ENTREP2: variants seen among roughly 807,000 people sequenced by gnomAD.
The protein encoded by ENTREP2 is protein ENTREP2.
At chr15:29,654,344 C>T in the ENTREP2 span, among the ~76,000 whole-genome samples, 1 of 152,148 alleles carries the variant, frequency 6.6e-6, no homozygotes, top group African/African-American at 2.4e-5. Flanking sequence ...TGTGCCAATA[C>T]TACATTGAGG....
At chr15:29,578,118 AC>A in the ENTREP2 span, among the ~76,000 whole-genome samples, 1 of 152,268 alleles carries the variant, frequency 6.6e-6, no homozygotes, top group African/African-American at 2.4e-5. Context: ...TAAGAAAAAA[AC>A]AATGAAATTC....
the ENTREP2 span, among the ~76,000 whole-genome samples, chr15:29,186,705 G>A: frequency 3.9e-5 from 6 of 152,162 alleles, no homozygotes; most frequent in African/African-American, 1.4e-4. Flanking sequence ...TCTTCAAAAT[G>A]AGGGCATATT....
At chr15:29,256,186 C>T in the ENTREP2 span, among the ~76,000 whole-genome samples, 1 of 152,056 alleles carries the variant, frequency 6.6e-6, no homozygotes, top group Admixed American at 6.6e-5. Context: ...AGGACTCCAA[C>T]CGGAGGTTGG....
chr15:29,129,495 A>G, the ENTREP2 span, among the ~76,000 whole-genome samples: 1 of 151,438 alleles, frequency 6.6e-6, no homozygotes, highest in Non-Finnish European at 1.5e-5. Flanking sequence ...TTATTTATAC[A>G]TTTTAGAGAC....
the ENTREP2 span, among the ~76,000 whole-genome samples, chr15:29,192,664 G>A: frequency 6.6e-6 from 1 of 152,172 alleles, no homozygotes; most frequent in African/African-American, 2.4e-5. Flanking sequence ...GAAGCAATGA[G>A]GAAGAGTCAA....
chr15:29,229,284 G>C, the ENTREP2 span, among the ~76,000 whole-genome samples: 1 of 152,030 alleles, frequency 6.6e-6, no homozygotes, highest in South Asian at 2.1e-4. Flanking sequence ...TGAGAATCTT[G>C]GTAAAGGTTA....
At chr15:29,134,136 C>T in the ENTREP2 span, among the ~76,000 whole-genome samples, 1 of 152,126 alleles carries the variant, frequency 6.6e-6, no homozygotes, top group Non-Finnish European at 1.5e-5. Context: ...TTATCACAGC[C>T]AACTGTCTCC....
At chr15:29,611,124 C>A in the ENTREP2 span, 1 of 152,256 alleles carries the variant, frequency 6.6e-6, no homozygotes, top group Non-Finnish European at 1.5e-5. Flanking sequence ...TTCTCAAACA[C>A]CCTCTTTGTC....
chr15:29,469,539 T>C, the ENTREP2 span, among the ~76,000 whole-genome samples: 1 of 152,212 alleles, frequency 6.6e-6, no homozygotes, highest in East Asian at 1.9e-4. Flanking sequence ...AGTAGTCAGA[T>C]TCACAGAGAA....
the ENTREP2 span, among the ~76,000 whole-genome samples, chr15:29,502,195 G>C: frequency 6.6e-6 from 1 of 151,800 alleles, no homozygotes; most frequent in African/African-American, 2.4e-5. Flanking sequence ...CAAAGTGAGA[G>C]GAATCACACT....
the ENTREP2 span, among the ~76,000 whole-genome samples, chr15:29,256,959 G>A: frequency 5.3e-5 from 8 of 151,904 alleles, no homozygotes; most frequent in South Asian, 2.1e-4. Context: ...AAGATCACTC[G>A]AAATAAGAAC....
At chr15:29,214,812 T>C in the ENTREP2 span, among the ~76,000 whole-genome samples, 5 of 152,234 alleles carry the variant, frequency 3.3e-5, no homozygotes, top group Non-Finnish European at 5.9e-5. Context: ...AAGTGCTTGA[T>C]ACAATTTTAA....
the ENTREP2 span, among the ~76,000 whole-genome samples, chr15:29,235,599 A>G: frequency 2.0e-5 from 3 of 152,246 alleles, no homozygotes; most frequent in Admixed American, 6.5e-5. Flanking sequence ...GGAAATTTAT[A>G]GCACTAGATG....
chr15:29,261,509 A>G, the ENTREP2 span, among the ~76,000 whole-genome samples: 2 of 152,248 alleles, frequency 1.3e-5, no homozygotes, highest in African/African-American at 4.8e-5. Flanking sequence ...GCAAACTTCT[A>G]TCTCTAAAAA....
chr15:29,338,296 G>A, the ENTREP2 span, among the ~76,000 whole-genome samples: 3 of 151,872 alleles, frequency 2.0e-5, no homozygotes, highest in South Asian at 6.3e-4. Flanking sequence ...AATAGGAGAT[G>A]AGACTAAGAA....
At chr15:29,188,404 C>T in the ENTREP2 span, among the ~76,000 whole-genome samples, 18 of 152,132 alleles carry the variant, frequency 1.2e-4, no homozygotes, top group East Asian at 3.5e-3. Context: ...TAATGCTCTC[C>T]CTCCCCTTGC....
chr15:29,669,872 C>T, the ENTREP2 span, among the ~76,000 whole-genome samples: 2 of 152,190 alleles, frequency 1.3e-5, no homozygotes, highest in African/African-American at 2.4e-5. Flanking sequence ...ATTAGCTGTA[C>T]GTGGCAGTGG....
chr15:29,266,801 T>C, the ENTREP2 span: 3 of 152,210 alleles, frequency 2.0e-5, no homozygotes, highest in Non-Finnish European at 2.9e-5. Flanking sequence ...GGAAAAGATA[T>C]AAGGCCTTGA....
At chr15:29,504,526 A>G in the ENTREP2 span, among the ~76,000 whole-genome samples, 2 of 152,244 alleles carry the variant, frequency 1.3e-5, no homozygotes, top group Non-Finnish European at 2.9e-5. Context: ...AAAGGACACG[A>G]GAGACTGTAA....
Sources: gnomAD v4.1 joint callset for allele counts (sites outside exome capture counted in the v4.1 genomes callset) on GRCh38, gnomAD v4.1.1 for gene constraint, MANE v1.5 for transcripts, NCBI Gene and HGNC (gene_info 2026-07-23, HGNC 2026-07-21) for gene names.